Variants in GFRA1 observed in about 807,000 individuals in gnomAD.
GFRA1 encodes the protein GDNF family receptor alpha-1.
GFRA1 carries 16 observed loss-of-function variants against 51.6 expected under a neutral mutation model. The ratio of observed to expected loss-of-function variants is 0.31; its 90% CI spans 0.21 to 0.47. The LOEUF (loss-of-function observed/expected upper bound fraction) is 0.47. GFRA1 is among the 20% of genes least tolerant of loss of function. The pLI is 1.00. For missense variants in GFRA1, 530 were observed against 594.3 expected (o/e 0.89, Z 1.13); for synonymous variants, 270 against 241.3 (o/e 1.12, Z -1.10).
chr10:116,080,029 C>T (rs529062826), intron 9 of GFRA1, among the ~76,000 whole-genome samples: 32 of 152,176 alleles, frequency 2.1e-4, no homozygotes, highest in Non-Finnish European at 4.3e-4. Context: ...AAAGCAATGC[C>T]TCCTGAGTCC....
intron 5 of GFRA1, among the ~76,000 whole-genome samples, chr10:116,205,366 A>G (rs1589870981): frequency 6.6e-6 from 1 of 152,108 alleles, no homozygotes; most frequent in African/African-American, 2.4e-5. Flanking sequence ...TCACGAGGTC[A>G]GGAGATCAAG....
chr10:116,067,800 C>T (rs1955182564), intron 9 of GFRA1, among the ~76,000 whole-genome samples: 1 of 152,150 alleles, frequency 6.6e-6, no homozygotes, highest in Non-Finnish European at 1.5e-5. Flanking sequence ...AAGCTTTCAA[C>T]CAGGGAGACA....
intron 6 of GFRA1, among the ~76,000 whole-genome samples, chr10:116,101,540 G>GA (rs1956815509): frequency 1.3e-5 from 2 of 152,086 alleles, no homozygotes; most frequent in Non-Finnish European, 2.9e-5. Context: ...ATTGGAAATA[G>GA]AAAAATTATA....
At chr10:116,133,537 T>C (rs1258777815) in intron 5 of GFRA1, among the ~76,000 whole-genome samples, 1 of 152,208 alleles carries the variant, frequency 6.6e-6, no homozygotes, top group East Asian at 1.9e-4. Flanking sequence ...TTTCCCCCCA[T>C]GGGCATCAGT....
At chr10:116,164,869 A>G (rs1176284782) in intron 5 of GFRA1, among the ~76,000 whole-genome samples, 1 of 152,164 alleles carries the variant, frequency 6.6e-6, no homozygotes, top group Admixed American at 6.6e-5. Flanking sequence ...AGGTCACTGC[A>G]AAGTATCACA....
At chr10:116,263,970 G>A (rs183121752) in intron 4 of GFRA1, among the ~76,000 whole-genome samples, 1 of 152,286 alleles carries the variant, frequency 6.6e-6, no homozygotes, top group East Asian at 1.9e-4. Flanking sequence ...AATAAAACTG[G>A]AGATCCAGGA....
Position 116,196,602 on chromosome 10 carries a change from TATATAGTAC to T in GFRA1, c.433+15020_433+15028del, listed in dbSNP as rs1963815660. ...AATATATAGTACTATATATAATATATATATAGTACTATATATAATATATATAATATATAG... is the reference window on the plus strand; with the variant it reads ...AATATATAGTACTATATATAATATATTATATATAATATATATAATATATAG... On this transcript the variant is annotated intron_variant, in intron 5 of 10. Transcript: ENST00000355422. Among the ~76,000 whole-genome samples, 10 of 81,162 alleles carry T rather than the reference TATATAGTAC, an allele frequency of 1.2e-4. 1 individual carries two copies. In the South Asian group the frequency reaches 4.0e-3, roughly 33 times the overall value. 53.2% of individuals were successfully genotyped at this position (81,162 alleles called of 152,430 possible). A position where few individuals can be genotyped will look rare whatever the true frequency, so the allele number is the denominator to read the frequency against.
intron 5 of GFRA1, among the ~76,000 whole-genome samples, chr10:116,181,625 G>T (rs1188453587): frequency 6.6e-6 from 1 of 150,588 alleles, no homozygotes; most frequent in Non-Finnish European, 1.5e-5. Context: ...AAAATATGAG[G>T]TTTTTTTTTG....
chr10:116,160,550 T>C (rs907402391), intron 5 of GFRA1, among the ~76,000 whole-genome samples: 3 of 152,234 alleles, frequency 2.0e-5, no homozygotes, highest in Admixed American at 1.3e-4. Context: ...AAGAAATCAT[T>C]AGACATCATT....
At chr10:116,196,629 A>T (rs1343153634) in intron 5 of GFRA1, among the ~76,000 whole-genome samples, 1 of 17,726 alleles carries the variant, frequency 5.6e-5, no homozygotes, top group African/African-American at 1.8e-4. Flanking sequence ...AATATATATA[A>T]TATATAGTAC....
chr10:116,104,396 C>G (rs542553941), intron 6 of GFRA1, among the ~76,000 whole-genome samples: 1 of 152,204 alleles, frequency 6.6e-6, no homozygotes, highest in Admixed American at 6.5e-5. Context: ...CAGCTCTTGG[C>G]TGCGAGGGTT....
chr10:116,105,627 G>T (rs1432045656), intron 6 of GFRA1, among the ~76,000 whole-genome samples: 1 of 152,136 alleles, frequency 6.6e-6, no homozygotes, highest in South Asian at 2.1e-4. Context: ...AGAGAATTGG[G>T]GACCACAGAA....
chr10:116,067,251 A>G (rs774118787), intron 9 of GFRA1, among the ~76,000 whole-genome samples: 3 of 152,204 alleles, frequency 2.0e-5, no homozygotes, highest in Non-Finnish European at 4.4e-5. Flanking sequence ...AGTGCTTTAC[A>G]TGTTTTATTT....
chr10:116,197,583 C>T lies in GFRA1; in HGVS notation c.433+14048G>A, dbSNP rs1395357101. On this transcript the variant is annotated intron_variant, in intron 5 of 10. Transcript: ENST00000355422. ...TATATATAATACACGTGCACACACA[C>T]AGACACACACACAGTTCCAGATGAA... 3.3e-5 allele frequency among the ~76,000 whole-genome samples: 5 copies of T among 152,282 alleles called. No individual in the cohort carries two copies. The East Asian group carries it at 9.7e-4, about 29-fold the overall frequency.
intron 6 of GFRA1, among the ~76,000 whole-genome samples, chr10:116,112,996 A>T (rs1471264313): frequency 6.6e-6 from 1 of 152,220 alleles, no homozygotes; most frequent in Non-Finnish European, 1.5e-5. Context: ...CATCTAGCAC[A>T]GCAGTTCTCA....
chr10:116,154,081 A>G (rs1225349347), intron 5 of GFRA1, among the ~76,000 whole-genome samples: 3 of 152,210 alleles, frequency 2.0e-5, no homozygotes, highest in Non-Finnish European at 4.4e-5. Context: ...TAAAATGAAG[A>G]GACAAAAACA....
chr10:116,131,333 T>C (rs976289469), intron 5 of GFRA1, among the ~76,000 whole-genome samples: 3 of 152,234 alleles, frequency 2.0e-5, no homozygotes, highest in African/African-American at 7.2e-5. Context: ...TCAACCACTG[T>C]GGAAAAACAT....
chr10:116,093,101 C>T (rs1223003927), intron 8 of GFRA1, among the ~76,000 whole-genome samples: 1 of 152,200 alleles, frequency 6.6e-6, no homozygotes, highest in Non-Finnish European at 1.5e-5. Flanking sequence ...CTCCCCAGTG[C>T]TTATCTCGCC....
intron 5 of GFRA1, among the ~76,000 whole-genome samples, chr10:116,139,646 T>C (rs576518510): frequency 1.3e-5 from 2 of 152,358 alleles, no homozygotes; most frequent in East Asian, 3.9e-4. Flanking sequence ...TAATGCTTCC[T>C]GCAGCACCCC....
Sources: allele counts gnomAD v4.1 joint callset (sites outside exome capture counted in the v4.1 genomes callset), GRCh38; gene constraint gnomAD v4.1.1; transcripts MANE v1.5; gene names NCBI Gene and HGNC (gene_info 2026-07-23, HGNC 2026-07-21).